Variants in PREX1 observed in about 807,000 individuals in gnomAD.
PREX1 encodes the protein phosphatidylinositol 3,4,5-trisphosphate-dependent Rac exchanger 1 protein.
A neutral mutation model predicts 198.3 loss-of-function variants in PREX1; 41 were observed. The ratio of observed to expected loss-of-function variants is 0.21; its 90% CI spans 0.16 to 0.27. PREX1 has a LOEUF of 0.27. Among genes scored for constraint, PREX1 ranks in the 10% least tolerant of loss-of-function variants. PREX1 has a pLI of 1.00. For missense variants in PREX1, 1,620 were observed against 2,200.7 expected, an observed-to-expected ratio of 0.74 and a Z score of 5.28; for synonymous variants, 843 against 887.2, an observed-to-expected ratio of 0.95 and a Z score of 0.89.
rs2089771296 is a variant in PREX1 at position 48,684,221 on chromosome 20, A to G, written c.1335-2886T>C. On this transcript the variant is annotated intron_variant, in intron 10 of 39. Coordinates refer to ENST00000371941, the MANE Select transcript of PREX1 (RefSeq NM_020820.4). The surrounding 1 kb of genome is among the most constrained non-coding windows in gnomAD (Gnocchi z 4.2). ...GTGAGGCACAAGGAATACATTCTGC[A>G]GTCTTCCTAAGAAAGCCGCCTGAGC... 2.6e-5 allele frequency among the ~76,000 whole-genome samples: 4 copies of G among 152,190 alleles called. No homozygotes were observed. The South Asian group carries it at 8.3e-4, about 32-fold the overall frequency.
intron 1 of PREX1, among the ~76,000 whole-genome samples, chr20:48,765,907 A>C (rs2090205773): frequency 6.6e-6 from 1 of 152,164 alleles, no homozygotes; most frequent in Non-Finnish European, 1.5e-5. Flanking sequence ...CATTGCCCGC[A>C]TGACCACCTG....
chr20:48,874,379 G>A, the PREX1 span, among the ~76,000 whole-genome samples: 23 of 92,754 alleles, frequency 2.5e-4, no homozygotes, highest in Admixed American at 6.0e-4. Flanking sequence ...GTCCGTGTGT[G>A]TGTGTGTGTG....
upstream of PREX1, among the ~76,000 whole-genome samples, chr20:48,830,503 C>G (rs1412280335): frequency 1.3e-5 from 2 of 152,214 alleles, no homozygotes; most frequent in Non-Finnish European, 2.9e-5. Flanking sequence ...TAGTTCCCTT[C>G]TCAGCCCATG....
At chr20:48,660,386 A>G (rs2089581666) in intron 15 of PREX1, among the ~76,000 whole-genome samples, 1 of 152,258 alleles carries the variant, frequency 6.6e-6, no homozygotes, top group African/African-American at 2.4e-5. Flanking sequence ...TAGAAGTCAC[A>G]TAAGAGGACT....
the PREX1 span, among the ~76,000 whole-genome samples, chr20:48,855,629 T>G: frequency 6.6e-6 from 1 of 152,222 alleles, no homozygotes; most frequent in Non-Finnish European, 1.5e-5. Context: ...CCAGGCTCAG[T>G]GGCTCACGCC....
intron 9 of PREX1, among the ~76,000 whole-genome samples, chr20:48,689,436 G>A (rs116275665): frequency 0.014 from 2,124 of 152,238 alleles, 55 homozygotes; most frequent in African/African-American, 0.046. Flanking sequence ...TCTGCCCAAG[G>A]TTGCCCAATT....
At chr20:48,851,284 A>T in the PREX1 span, among the ~76,000 whole-genome samples, 4 of 152,168 alleles carry the variant, frequency 2.6e-5, no homozygotes, top group Admixed American at 6.5e-5. Flanking sequence ...AAGCGGGCGG[A>T]TCTCTTGAGG....
chr20:48,710,065 C>T (rs1223394319), intron 5 of PREX1, among the ~76,000 whole-genome samples: 1 of 152,234 alleles, frequency 6.6e-6, no homozygotes, highest in Non-Finnish European at 1.5e-5. Flanking sequence ...GAGCCCTGCT[C>T]TTCCTCTGGA....
chr20:48,854,983 G>A, the PREX1 span, among the ~76,000 whole-genome samples: 2 of 152,188 alleles, frequency 1.3e-5, no homozygotes, highest in Non-Finnish European at 2.9e-5. Flanking sequence ...CCCCTAAAAT[G>A]AGGATCATCA....
the PREX1 span, among the ~76,000 whole-genome samples, chr20:48,880,923 G>A: frequency 6.9e-6 from 1 of 144,296 alleles, no homozygotes; most frequent in Non-Finnish European, 1.5e-5. Context: ...GATAGCAGAA[G>A]GGGAATCTAT....
chr20:48,716,259 C>T (rs999615539), intron 5 of PREX1, among the ~76,000 whole-genome samples: 3 of 152,156 alleles, frequency 2.0e-5, no homozygotes, highest in South Asian at 2.1e-4. Flanking sequence ...AGGATGTTGG[C>T]GCAGAGAAGC....
chr20:48,662,223 C>T (rs575276002), intron 15 of PREX1, among the ~76,000 whole-genome samples: 6 of 152,292 alleles, frequency 3.9e-5, no homozygotes, highest in African/African-American at 1.4e-4. Flanking sequence ...ACCAGGGGGC[C>T]GCTGGCTTCG....
Position 48,649,409 on chromosome 20 carries a change from A to T in PREX1, c.3196T>A (p.Phe1066Ile), listed in dbSNP as rs750669958. 3 of 1,614,148 alleles carry T rather than the reference A, an allele frequency of 1.9e-6. No homozygotes were observed. The highest frequency in any genetic ancestry group is 2.5e-6 in the Non-Finnish European group (3 of 1,180,006). Residue 1066 changes from phenylalanine (F) to isoleucine (I), a missense_variant, in exon 25 of 40, where the codon TTC (phenylalanine) becomes ATC (isoleucine). Phe to Ile is a conservative substitution (Grantham distance 21). Coordinates refer to ENST00000371941, the MANE Select transcript of PREX1 (RefSeq NM_020820.4). ...TCACGGTCCTCCTGCTTGAGTAGGA[A>T]GCTGAGGCCCCGGTCTTCCTGACCA... ...TLGQEDRGLS[F>I]LLKQEDREIQ...
intron 3 of PREX1, among the ~76,000 whole-genome samples, chr20:48,742,139 A>C (rs2090085250): frequency 1.3e-5 from 2 of 152,110 alleles, no homozygotes; most frequent in Non-Finnish European, 2.9e-5. Flanking sequence ...GTGAGGCTGG[A>C]AGGACGGGAG....
intron 22 of PREX1, 133 bp from the exon 23 acceptor site, chr20:48,651,188 G>T: frequency 1.5e-6 from 2 of 1,296,532 alleles, no homozygotes; most frequent in Non-Finnish European, 2.1e-6. Flanking sequence ...CATATTGCAC[G>T]GGAGTAAACT....
At chr20:48,667,372 G>A (rs1601061073) in intron 14 of PREX1, among the ~76,000 whole-genome samples, 1 of 152,162 alleles carries the variant, frequency 6.6e-6, no homozygotes, top group Admixed American at 6.5e-5. Context: ...CTAATAAGAC[G>A]ACTGGGGAAG....
chr20:48,806,189 G>A (rs2090411046), intron 1 of PREX1, among the ~76,000 whole-genome samples: 1 of 152,170 alleles, frequency 6.6e-6, no homozygotes, highest in Non-Finnish European at 1.5e-5. Flanking sequence ...TTTGGGGGAG[G>A]GGCCAAACTG....
chr20:48,666,749 T>C lies in PREX1; in HGVS notation c.1666-394A>G, dbSNP rs1307586826. Among the ~76,000 whole-genome samples, 3 of 152,062 alleles carry C rather than the reference T, an allele frequency of 2.0e-5. No homozygotes were observed. The highest frequency in any genetic ancestry group is 4.4e-5 in the Non-Finnish European group (3 of 68,024). On this transcript the variant is annotated intron_variant, in intron 14 of 39. Transcript: ENST00000371941. This position sits in a 1 kb window ranked among gnomAD's most constrained non-coding sequence, Gnocchi z 4.3. ...ACTGTGTTAGCCAGGATGGTCTCAATCTCCTGACCTCGTGATCCGTCCGTC... is the reference window on the plus strand; with the variant it reads ...ACTGTGTTAGCCAGGATGGTCTCAACCTCCTGACCTCGTGATCCGTCCGTC...
chr20:48,886,530 T>C, the PREX1 span, among the ~76,000 whole-genome samples: 1 of 152,162 alleles, frequency 6.6e-6, no homozygotes, highest in Non-Finnish European at 1.5e-5. Context: ...TGCATCTATG[T>C]GTGACCAGAA....
Sources: allele counts gnomAD v4.1 joint callset (sites outside exome capture counted in the v4.1 genomes callset), GRCh38; gene constraint gnomAD v4.1.1; non-coding constraint Gnocchi (gnomAD v3.1); transcripts MANE v1.5; gene names NCBI Gene and HGNC (gene_info 2026-07-23, HGNC 2026-07-21).